Variants in FILIP1 observed in about 807,000 individuals in gnomAD.
FILIP1 encodes filamin-A-interacting protein 1.
A neutral mutation model predicts 102.1 loss-of-function variants in FILIP1; 61 were observed. The observed-to-expected ratio is 0.60, with a 90% CI of 0.49 to 0.74. The LOEUF is 0.74. Among genes scored for constraint, FILIP1 ranks in the 30% least tolerant of loss-of-function variants. The pLI is 0.00. For synonymous variants in FILIP1, 491 were observed against 526.9 expected, an observed-to-expected ratio of 0.93 and a Z score of 0.93; for missense variants, 1,314 against 1,441.2, an observed-to-expected ratio of 0.91 and a Z score of 1.43.
Position 75,308,172 on chromosome 6 carries a change from A to AGAG in FILIP1, c.*516_*518dup. On this transcript the variant is annotated 3_prime_UTR_variant, in exon 6 of 6. Transcript: ENST00000237172. ...GAACCTTTTGTTTTTGCAAAATTTT[A>AGAG]GAGGTCCAGGCCCTGTGATAGCTAT... 1.0e-6 allele frequency: 1 copy of AGAG among 986,400 alleles called. No homozygotes were observed. The highest frequency in any genetic ancestry group is 1.2e-6 in the Non-Finnish European group (1 of 830,306). 61.1% of individuals were successfully genotyped at this position (986,400 alleles called of 1,614,324 possible).
intron 6 of FILIP1, among the ~76,000 whole-genome samples, chr6:75,300,046 A>G (rs538255858): frequency 4.7e-4 from 72 of 152,262 alleles, no homozygotes; most frequent in Non-Finnish European, 7.5e-4. Context: ...TACTCCCTAA[A>G]AAGCCAATAC....
At chr6:75,468,000 A>G (rs1279494310) in intron 1 of FILIP1, among the ~76,000 whole-genome samples, 2 of 152,162 alleles carry the variant, frequency 1.3e-5, no homozygotes, top group African/African-American at 4.8e-5. Flanking sequence ...CTGGGAGTCA[A>G]AGGTATGGAA....
rs149588138 is a variant in FILIP1 at position 75,459,155 on chromosome 6, T to G, written c.-7+34259A>C. Among the ~76,000 whole-genome samples, 775 of 152,320 alleles carry G rather than the reference T, an allele frequency of 5.1e-3. 6 individuals carry two copies. Among genetic ancestry groups the G allele is most frequent in the African/African-American group, 0.018 (733 of 41,566 alleles). On this transcript the variant is annotated intron_variant, in intron 1 of 5. Coordinates refer to ENST00000237172, the MANE Select transcript of FILIP1 (RefSeq NM_015687.5). ...TAATGACCTAAGAATCTAATGACAC[T>G]ATACACTGTCTCTGATCCTGCTTGG...
At chr6:75,480,251 T>C (rs1779611078) in intron 1 of FILIP1, among the ~76,000 whole-genome samples, 1 of 152,204 alleles carries the variant, frequency 6.6e-6, no homozygotes, top group Admixed American at 6.5e-5. Context: ...TTGAAATCTT[T>C]TTTATAATAC....
chr6:75,411,299 T>C (rs1365028907), intron 2 of FILIP1, among the ~76,000 whole-genome samples: 1 of 152,328 alleles, frequency 6.6e-6, no homozygotes, highest in East Asian at 1.9e-4. Flanking sequence ...TTAAGTTCCT[T>C]GTAGATTCTG....
At chr6:75,392,077 TC>T in intron 2 of FILIP1, among the ~76,000 whole-genome samples, 1 of 152,130 alleles carries the variant, frequency 6.6e-6, no homozygotes, top group Non-Finnish European at 1.5e-5. Flanking sequence ...CCACTTTTAC[TC>T]CAAGATGCCC....
intron 3 of FILIP1, among the ~76,000 whole-genome samples, chr6:75,355,031 A>G (rs746496772): frequency 6.6e-5 from 10 of 152,334 alleles, no homozygotes; most frequent in Middle Eastern, 3.4e-3. Context: ...GCAAAGGCTC[A>G]TGCCCGTAAT....
intron 1 of FILIP1, among the ~76,000 whole-genome samples, chr6:75,462,046 C>T (rs73463703): frequency 0.021 from 3,153 of 152,232 alleles, 117 homozygotes; most frequent in African/African-American, 0.073. Flanking sequence ...TGTGTCTTCA[C>T]CTCTCTTCCC....
At chr6:75,456,015 A>G (rs561664965) in intron 1 of FILIP1, among the ~76,000 whole-genome samples, 3 of 152,252 alleles carry the variant, frequency 2.0e-5, no homozygotes, top group Admixed American at 2.0e-4. Context: ...CTCACCTAAA[A>G]TGCTCTCCAT....
At chr6:75,468,214 CA>C (rs1259845052) in intron 1 of FILIP1, among the ~76,000 whole-genome samples, 1 of 152,128 alleles carries the variant, frequency 6.6e-6, no homozygotes, top group Non-Finnish European at 1.5e-5. Flanking sequence ...CCTGCCGGAG[CA>C]CATAGAACAA....
chr6:75,453,954 G>C (rs1334882924), intron 1 of FILIP1: 1 of 456,682 alleles, frequency 2.2e-6, no homozygotes, highest in East Asian at 6.9e-5. Context: ...CACTGTATTA[G>C]TTTTCTATTG....
At chr6:75,428,983 G>A (rs1404360620) in intron 1 of FILIP1, among the ~76,000 whole-genome samples, 1 of 152,090 alleles carries the variant, frequency 6.6e-6, no homozygotes, top group Non-Finnish European at 1.5e-5. Flanking sequence ...GCATTTACTA[G>A]CTAGTTTACC....
intron 2 of FILIP1, among the ~76,000 whole-genome samples, chr6:75,376,464 C>T (rs1222580097): frequency 6.6e-6 from 1 of 152,124 alleles, no homozygotes; most frequent in Non-Finnish European, 1.5e-5. Context: ...AATTATAGCT[C>T]TTTTGTTTAC....
intron 2 of FILIP1, among the ~76,000 whole-genome samples, chr6:75,400,077 G>GA (rs1013192581): frequency 7.2e-5 from 11 of 152,040 alleles, no homozygotes; most frequent in African/African-American, 2.2e-4. Flanking sequence ...CACATCTGTG[G>GA]AAAAAATAGG....
At chr6:75,317,723 C>T (rs1273304114) in intron 4 of FILIP1, among the ~76,000 whole-genome samples, 1 of 152,188 alleles carries the variant, frequency 6.6e-6, no homozygotes, top group Non-Finnish European at 1.5e-5. Context: ...TTAGCTTACT[C>T]TCCCTCCTAT....
intron 1 of FILIP1, among the ~76,000 whole-genome samples, chr6:75,464,211 C>T (rs955354907): frequency 3.9e-5 from 6 of 152,062 alleles, no homozygotes; most frequent in African/African-American, 1.2e-4. Flanking sequence ...TTATTATTTC[C>T]TTCTTTTAAA....
intron 4 of FILIP1, among the ~76,000 whole-genome samples, chr6:75,318,289 G>C (rs1003205289): frequency 7.3e-6 from 1 of 137,292 alleles, no homozygotes; most frequent in Non-Finnish European, 1.5e-5. Flanking sequence ...AGGTTGAAGT[G>C]CTGTGGCATG....
At chr6:75,407,554 C>T (rs1234010529) in intron 2 of FILIP1, among the ~76,000 whole-genome samples, 1 of 152,144 alleles carries the variant, frequency 6.6e-6, no homozygotes, top group Non-Finnish European at 1.5e-5. Flanking sequence ...GTATACAACA[C>T]CTCTTCTGCC....
At chr6:75,401,670 T>C (rs547392729) in intron 2 of FILIP1, among the ~76,000 whole-genome samples, 1 of 152,278 alleles carries the variant, frequency 6.6e-6, no homozygotes, top group East Asian at 1.9e-4. Flanking sequence ...CATTTCCTTC[T>C]TCAAATAAAG....
Sources: gnomAD v4.1 joint callset for allele counts (sites outside exome capture counted in the v4.1 genomes callset) on GRCh38, gnomAD v4.1.1 for gene constraint, MANE v1.5 for transcripts, NCBI Gene and HGNC (gene_info 2026-07-23, HGNC 2026-07-21) for gene names.